SEMA6D: variants seen among roughly 807,000 people sequenced by gnomAD.
SEMA6D encodes semaphorin-6D.
SEMA6D carries 35 observed loss-of-function variants against 106.6 expected under a neutral mutation model. The ratio of observed to expected loss-of-function variants is 0.33; its 90% CI spans 0.25 to 0.44. The LOEUF is 0.44. SEMA6D is among the 20% of genes least tolerant of loss of function. SEMA6D has a pLI of 1.00. For synonymous variants in SEMA6D, 499 were observed against 487.7 expected (o/e 1.02, Z -0.31); for missense variants, 1,185 against 1,345.9 (o/e 0.88, Z 1.87).
intron 4 of SEMA6D, among the ~76,000 whole-genome samples, chr15:47,680,472 G>A (rs2078330991): frequency 6.6e-6 from 1 of 152,114 alleles, no homozygotes; most frequent in Non-Finnish European, 1.5e-5. Flanking sequence ...GTACTAACTG[G>A]TTAGCATATT....
chr15:47,583,243 T>C (rs1291480865), intron 3 of SEMA6D, among the ~76,000 whole-genome samples: 1 of 152,182 alleles, frequency 6.6e-6, no homozygotes, highest in Non-Finnish European at 1.5e-5. Context: ...ACTGAGTTTC[T>C]AGGATGGTGC....
intron 7 of SEMA6D, 91 bp from the exon 8 acceptor site, chr15:47,762,107 TGA>T (rs2082089654): frequency 7.1e-7 from 1 of 1,403,270 alleles, no homozygotes; most frequent in African/African-American, 1.4e-5. Flanking sequence ...GTAATACCAG[TGA>T]GAGCGCTCCA....
chr15:47,396,227 G>A (rs918858361), intron 1 of SEMA6D: 7 of 152,076 alleles, frequency 4.6e-5, no homozygotes, highest in African/African-American at 1.7e-4. Flanking sequence ...ATGGTATTTT[G>A]TTACGGCTGC....
In SEMA6D at chr15:47,770,502, C is replaced by T. The variant is rs1293564570; in HGVS notation, c.1939C>T (p.Arg647Ter). ...DPLSGIPKGV[R>*]WEVQSGESNQ... The stretch of plus-strand genomic sequence containing the variant: ...GTCCCATGTGTCTATTTCAGGTGTA[C>T]GATGGGAAGTCCAGTCTGGAGAGTC... The change falls in exon 19 of 19, where the codon CGA (arginine) becomes TGA (stop). Residue 647 changes from arginine (R) to a stop codon, truncating the protein, a stop_gained. Coordinates refer to ENST00000536845, the MANE Select transcript of SEMA6D (RefSeq NM_001358351.3). LOFTEE classifies it high-confidence loss of function. The T allele has an allele frequency of 1.3e-6, 2 of 1,584,836 alleles. No individual in the cohort carries two copies.
At chr15:47,766,285 TTG>T (rs1010585026) in intron 15 of SEMA6D, 103 bp downstream of exon 15, 561 of 1,031,246 alleles carry the variant, frequency 5.4e-4, no homozygotes, top group South Asian at 6.3e-4. Flanking sequence ...TTCTTTTTTT[TTG>T]TTGTTATGGG....
chr15:47,277,761 C>A (rs867779081), intron 1 of SEMA6D, among the ~76,000 whole-genome samples: 3 of 151,792 alleles, frequency 2.0e-5, no homozygotes, highest in Admixed American at 6.6e-5. Context: ...ATTCCTCCCC[C>A]CTCCCCACAC....
intron 3 of SEMA6D, among the ~76,000 whole-genome samples, chr15:47,493,161 C>T (rs1459676904): frequency 2.0e-5 from 3 of 152,122 alleles, no homozygotes; most frequent in East Asian, 3.9e-4. Context: ...AGGAGGTTCT[C>T]ATCCCTCATG....
At chr15:47,415,564 T>A (rs886088602) in intron 2 of SEMA6D, among the ~76,000 whole-genome samples, 2 of 152,162 alleles carry the variant, frequency 1.3e-5, no homozygotes, top group Non-Finnish European at 2.9e-5. Context: ...GAAAGTCCTT[T>A]GATTGTTTAC....
At chr15:47,244,623 G>A (rs907383535) in intron 1 of SEMA6D, among the ~76,000 whole-genome samples, 2 of 152,078 alleles carry the variant, frequency 1.3e-5, no homozygotes, top group African/African-American at 4.8e-5. Flanking sequence ...ATGCCCAAGG[G>A]ACCTGACTCT....
intron 3 of SEMA6D, among the ~76,000 whole-genome samples, chr15:47,526,824 C>T (rs2044774703): frequency 1.3e-5 from 2 of 152,238 alleles, no homozygotes; most frequent in East Asian, 1.9e-4. Context: ...GCAACCTCCG[C>T]CTCCCGGGTT....
intron 1 of SEMA6D, among the ~76,000 whole-genome samples, chr15:47,373,891 A>G (rs1388553038): frequency 2.0e-5 from 3 of 152,166 alleles, no homozygotes; most frequent in African/African-American, 7.2e-5. Flanking sequence ...AAAGGCAAGT[A>G]ATTGGTTTCT....
chr15:47,771,909 C>A lies in SEMA6D; in HGVS notation c.*124C>A. On this transcript the variant is annotated 3_prime_UTR_variant, in exon 19 of 19. Coordinates refer to ENST00000536845, the MANE Select transcript of SEMA6D (RefSeq NM_001358351.3). ...TAAGAGAACCAAGTGGCCAAAGAAA[C>A]TCTTTCTAACTTTGGCAACATCAGA... is the stretch of plus-strand genomic sequence containing the variant. The A allele has an allele frequency of 3.9e-6, 4 of 1,038,852 alleles. No homozygotes were observed. Among genetic ancestry groups the A allele is most frequent in the Non-Finnish European group, 5.6e-6 (4 of 710,046 alleles). The allele number at this position is 1,038,852 out of a possible 1,614,324, so 64.4% of individuals were successfully genotyped here.
intron 1 of SEMA6D, among the ~76,000 whole-genome samples, chr15:47,737,870 T>A (rs781295843): frequency 8.5e-5 from 13 of 152,174 alleles, no homozygotes; most frequent in Admixed American, 2.0e-4. Flanking sequence ...AATTATTTTC[T>A]AAAATGGTTG....
At chr15:47,641,718 G>A (rs1217375033) in intron 4 of SEMA6D, among the ~76,000 whole-genome samples, 1 of 152,072 alleles carries the variant, frequency 6.6e-6, no homozygotes, top group Non-Finnish European at 1.5e-5. Flanking sequence ...TACACCTCTT[G>A]CCCTTCCGCC....
Position 47,575,187 on chromosome 15 carries a change from A to G in SEMA6D, c.-86-25678A>G, listed in dbSNP as rs2076134800. On this transcript the variant is annotated intron_variant, in intron 3 of 19. Coordinates refer to the SEMA6D transcript ENST00000558014. ...CATCAATTATGTAGCAATCTATTCC[A>G]CTCTGTCTCTTAATTCTTTTGAGGT... is the stretch of plus-strand genomic sequence containing the variant. 2.0e-5 allele frequency among the ~76,000 whole-genome samples: 3 copies of G among 152,058 alleles called. No homozygotes were observed. In the South Asian group the frequency reaches 6.2e-4, roughly 32 times the overall value.
chr15:47,592,672 A>G (rs1470482353), intron 3 of SEMA6D, among the ~76,000 whole-genome samples: 2 of 152,234 alleles, frequency 1.3e-5, no homozygotes. Context: ...AATTGCATAA[A>G]TAAAAATTTG....
intron 1 of SEMA6D, among the ~76,000 whole-genome samples, chr15:47,204,629 T>C (rs1894935886): frequency 6.6e-6 from 1 of 152,086 alleles, no homozygotes. Context: ...GTTTAGAGAT[T>C]AGCTAGATAG....
intron 3 of SEMA6D, among the ~76,000 whole-genome samples, chr15:47,523,423 G>A (rs1596234537): frequency 6.6e-6 from 1 of 152,062 alleles, no homozygotes; most frequent in East Asian, 2.0e-4. Context: ...AGACAGGGTG[G>A]GGCAGGGGAA....
intron 1 of SEMA6D, among the ~76,000 whole-genome samples, chr15:47,359,239 G>A (rs1433941236): frequency 1.3e-5 from 2 of 152,060 alleles, no homozygotes; most frequent in South Asian, 4.1e-4. Flanking sequence ...ATACATATGT[G>A]TATGTGTACA....
Sources: allele counts gnomAD v4.1 joint callset (sites outside exome capture counted in the v4.1 genomes callset), GRCh38; gene constraint gnomAD v4.1.1; transcripts MANE v1.5; gene names NCBI Gene and HGNC (gene_info 2026-07-23, HGNC 2026-07-21).